ZNF518B: variants seen among roughly 807,000 people sequenced by gnomAD.
ZNF518B encodes zinc finger protein 518B.
ZNF518B carries 23 observed loss-of-function variants against 56.3 expected under a neutral mutation model. The ratio of observed to expected loss-of-function variants is 0.41; its 90% confidence interval spans 0.29 to 0.58. ZNF518B has a LOEUF of 0.58. Among genes scored for constraint, ZNF518B ranks in the 20% least tolerant of loss-of-function variants. The pLI, the probability that ZNF518B is intolerant of heterozygous loss-of-function variation, is 0.32. For missense variants in ZNF518B, 1,460 were observed against 1,272.1 expected (o/e 1.15, Z -2.25); for synonymous variants, 529 against 465.9 (o/e 1.14, Z -1.74).
At chr4:10,459,524 T>G (rs1715678191), upstream of ZNF518B, among the ~76,000 whole-genome samples, 1 of 152,138 alleles carries the variant, frequency 6.6e-6, no homozygotes. Flanking sequence ...CACCCCCAAC[T>G]TATGGATATG....
intron 1 of ZNF518B, among the ~76,000 whole-genome samples, chr4:10,455,400 G>T (rs550306958): frequency 3.3e-5 from 5 of 152,258 alleles, no homozygotes; most frequent in African/African-American, 1.2e-4. Flanking sequence ...AACCCTCCCT[G>T]GTAAGGATCT....
Position 10,443,312 on chromosome 4 carries a change from T to C in ZNF518B, c.3017A>G (p.Gln1006Arg), listed in dbSNP as rs1328830923. 12 of 1,614,096 alleles carry C rather than the reference T, an allele frequency of 7.4e-6. No homozygotes were observed. The highest frequency in any genetic ancestry group is 1.7e-5 in the Admixed American group (1 of 59,998). ...NAEEASQIKR[Q>R]MMLKMKLKKV... is the part of the protein sequence containing the mutation. ...TTTGAGTTTCATTTTCAACATCATT[T>C]GCCTTTTAATTTGACTGGCTTCTTC... Residue 1006 changes from glutamine to arginine, a missense_variant, in exon 3 of 3, where the codon CAA becomes CGA. By Grantham distance (43) the Gln-to-Arg change is conservative. Transcript: ENST00000326756.
chr4:10,450,331 T>TTGAGCC (rs2108992992), intron 2 of ZNF518B, among the ~76,000 whole-genome samples: 1 of 152,352 alleles, frequency 6.6e-6, no homozygotes, highest in East Asian at 1.9e-4. Flanking sequence ...GCAATGTTAC[T>TTGAGCC]ACATTGCCAC....
Position 10,445,126 on chromosome 4 carries a change from T to C in ZNF518B, c.1203A>G (p.Glu401=). The change falls in exon 3 of 3, where the codon GAA becomes GAG. Residue 401 remains glutamate (E), a synonymous_variant. Transcript: ENST00000326756. ...CGTCAACTGTCAGTGACTTTGTTTT[T>C]TCTGCAGAAAGTACTTTTTCTTGTT... The part of the protein sequence containing the change: ...SNEQEKVLSA[E]KTKSLTVDGN... The C allele has an allele frequency of 6.2e-7, 1 of 1,614,186 alleles. No homozygotes were observed.
intron 2 of ZNF518B, chr4:10,452,491 T>G (rs1199880839): frequency 6.6e-6 from 1 of 151,654 alleles, no homozygotes; most frequent in Non-Finnish European, 1.5e-5. Context: ...TTAAAATCAA[T>G]CAGGAAAAAA....
chr4:10,460,236 C>T (rs145509336), upstream of ZNF518B, among the ~76,000 whole-genome samples: 518 of 138,170 alleles, frequency 3.7e-3, 4 homozygotes, highest in African/African-American at 0.013. Flanking sequence ...ACCCAAGAGA[C>T]GGAGGGTGTA....
intron 1 of ZNF518B, among the ~76,000 whole-genome samples, chr4:10,455,431 G>A (rs1043802065): frequency 6.6e-6 from 1 of 152,152 alleles, no homozygotes; most frequent in African/African-American, 2.4e-5. Flanking sequence ...GATCAATAGC[G>A]AAGGGTTTGG....
chr4:10,443,452 C>A lies in ZNF518B; in HGVS notation c.2877G>T (p.Val959=). 6.2e-7 allele frequency: 1 copy of A among 1,614,172 alleles called. No individual in the cohort carries two copies. Among genetic ancestry groups the A allele is most frequent in the Non-Finnish European group, 8.5e-7 (1 of 1,180,030 alleles). ...PDVDSPEVTN[V]MKVINKYKGN... ...CTTTGTATTTATTTATTACCTTCAT[C>A]ACATTGGTCACTTCTGGCGAGTCCA... The change falls in exon 3 of 3, where the codon GTG becomes GTT. Residue 959 remains valine (V), a synonymous_variant. Coordinates refer to ENST00000326756, the MANE Select transcript of ZNF518B (RefSeq NM_053042.3).
At position 10,441,967 on chromosome 4, in the gene ZNF518B, C is replaced by G. The variant is rs1287836584; in HGVS notation, c.*1137G>C. ...GTGGGAGGTCTCCATTTTGTTGATT[C>G]CTGCCATTTTCTAGTAATCGCATGA... On this transcript the variant is annotated 3_prime_UTR_variant, in exon 3 of 3. Coordinates refer to ENST00000326756, the MANE Select transcript of ZNF518B (RefSeq NM_053042.3). 1 of 152,168 alleles carries G rather than the reference C, an allele frequency of 6.6e-6. No homozygotes were observed. Among genetic ancestry groups the G allele is most frequent in the Non-Finnish European group, 1.5e-5 (1 of 68,046 alleles). The allele number at this position is 152,168 out of a possible 1,614,324, so 9.4% of individuals were successfully genotyped here.
upstream of ZNF518B, among the ~76,000 whole-genome samples, chr4:10,459,453 C>A (rs1189121011): frequency 6.6e-6 from 1 of 152,160 alleles, no homozygotes; most frequent in African/African-American, 2.4e-5. Context: ...TTCCGTGGAT[C>A]ACTTCTGTCA....
At position 10,446,066 on chromosome 4, in the gene ZNF518B, T is replaced by C. The variant is rs143714781; in HGVS notation, c.263A>G (p.Gln88Arg). Reference sequence around the variant, plus strand: ...GGGAGGAGCTGCACCGAGGCTGCACTGGAAGCAGACATACATACCGTCCTT... The same window carrying C: ...GGGAGGAGCTGCACCGAGGCTGCACCGGAAGCAGACATACATACCGTCCTT... The part of the protein sequence containing the change: ...TGKDGMYVCF[Q>R]CSLGAAPPNF... Residue 88 changes from glutamine (Q) to arginine (R), a missense_variant, in exon 3 of 3, where the codon CAG (glutamine) becomes CGG (arginine). Coordinates refer to ENST00000326756, the MANE Select transcript of ZNF518B (RefSeq NM_053042.3). 13 of 1,614,184 alleles carry C rather than the reference T, an allele frequency of 8.1e-6. No individual in the cohort carries two copies. In the African/African-American group the frequency reaches 1.5e-4, roughly 18 times the overall value.
chr4:10,456,000 G>C (rs900653976), intron 1 of ZNF518B, among the ~76,000 whole-genome samples: 4 of 152,188 alleles, frequency 2.6e-5, no homozygotes, highest in African/African-American at 9.7e-5. Flanking sequence ...ACTCAAGAGA[G>C]AGAAAAGAGA....
In ZNF518B at chr4:10,442,592, CATTTCTCTAT is replaced by C. The variant is rs1403003745; in HGVS notation, c.*502_*511del. On this transcript the variant is annotated 3_prime_UTR_variant, in exon 3 of 3. Transcript: ENST00000326756. ...ACCAGGGAGGGAGTAAAAGAATGGC[CATTTCTCTAT>C]AACCAAATTGAAGACAGTAAAGTAG... The C allele has an allele frequency of 6.5e-6, 1 of 154,172 alleles. No homozygotes were observed. The highest frequency in any genetic ancestry group is 1.9e-4 in the East Asian group (1 of 5,234). The allele number at this position is 154,172 out of a possible 1,614,324, so 9.6% of individuals were successfully genotyped here.
intron 1 of ZNF518B, 102 bp from the exon 2 acceptor site, chr4:10,455,090 C>T (rs1054174908): frequency 1.3e-5 from 2 of 152,192 alleles, no homozygotes; most frequent in Non-Finnish European, 2.9e-5. Flanking sequence ...AAGTGGTTCT[C>T]AAGCAGGGGT....
intron 2 of ZNF518B, among the ~76,000 whole-genome samples, chr4:10,447,571 G>C (rs1715116561): frequency 1.3e-5 from 2 of 151,904 alleles, no homozygotes; most frequent in Admixed American, 1.3e-4. Context: ...GGAGATCACG[G>C]ATGGCCTGGC....
chr4:10,456,187 C>T (rs1318042270), intron 1 of ZNF518B, among the ~76,000 whole-genome samples: 1 of 151,266 alleles, frequency 6.6e-6, no homozygotes, highest in Non-Finnish European at 1.5e-5. Context: ...ACATAATGCT[C>T]TGTAGTTTTT....
intron 1 of ZNF518B, among the ~76,000 whole-genome samples, chr4:10,455,437 T>C (rs971716503): frequency 2.0e-5 from 3 of 152,036 alleles, no homozygotes; most frequent in African/African-American, 7.3e-5. Flanking sequence ...TAGCGAAGGG[T>C]TTGGCCAAGG....
intron 2 of ZNF518B, among the ~76,000 whole-genome samples, chr4:10,447,038 G>A (rs1262372686): frequency 6.6e-6 from 1 of 152,112 alleles, no homozygotes; most frequent in African/African-American, 2.4e-5. Flanking sequence ...TCACTTACAT[G>A]CTTAATTTGC....
In ZNF518B at chr4:10,444,132, TACC is replaced by T. The variant is rs1714836456; in HGVS notation, c.2194_2196del (p.Gly732del). The T allele has an allele frequency of 5.0e-6, 8 of 1,614,122 alleles. No homozygotes were observed. The South Asian group carries it at 5.5e-5, about 11-fold the overall frequency. ...TGAGTAAGCTGTCTATTACCAGTAA[TACC>T]ACCATCATTCGGAGGTTTCTGAAGA... On this transcript the variant is annotated inframe_deletion, in exon 3 of 3. Transcript: ENST00000326756.
Sources: gnomAD v4.1 joint callset for allele counts (sites outside exome capture counted in the v4.1 genomes callset) on GRCh38, gnomAD v4.1.1 for gene constraint, MANE v1.5 for transcripts, NCBI Gene and HGNC (gene_info 2026-07-23, HGNC 2026-07-21) for gene names.